The following TRAF4 variants were observed in gnomAD, a reference collection of about 807,000 sequenced individuals.
TRAF4 encodes TNF receptor-associated factor 4.
TRAF4 carries 9 observed loss-of-function variants against 47.3 expected under a neutral mutation model. That is an observed-to-expected ratio of 0.19 (90% confidence interval 0.11 to 0.33). The LOEUF (loss-of-function observed/expected upper bound fraction) is 0.33, where lower values mean the gene tolerates loss of function less well. Ranked by LOEUF, TRAF4 falls within the 10% of genes least tolerant of loss-of-function variation. TRAF4 has a pLI of 1.00. For synonymous variants in TRAF4, 236 were observed against 236.9 expected (o/e 1.00, Z 0.04); for missense variants, 448 against 620.3 (o/e 0.72, Z 2.95).
chr17:28,749,711 C>A lies in TRAF4; in HGVS notation c.*134C>A. The A allele has an allele frequency of 7.0e-7, 1 of 1,431,752 alleles. No individual in the cohort carries two copies. Among genetic ancestry groups the A allele is most frequent in the South Asian group, 1.2e-5 (1 of 81,762 alleles). The allele number at this position is 1,431,752 out of a possible 1,614,324, so 88.7% of individuals were successfully genotyped here. A position where few individuals can be genotyped will look rare whatever the true frequency, so the allele number is the denominator to read the frequency against. ...TTCTGTTACCCCATCCTCCCTCCCC[C>A]AGCCACCACCCTCAGGTGCCTCCAA... On this transcript the variant is annotated 3_prime_UTR_variant, in exon 7 of 7. Transcript: ENST00000262395.
In TRAF4 at chr17:28,750,701, C is replaced by T. The variant is rs758802857; in HGVS notation, c.*1124C>T. The T allele has an allele frequency of 1.3e-5, 2 of 152,202 alleles. No homozygotes were observed. Among genetic ancestry groups the T allele is most frequent in the African/African-American group, 2.4e-5 (1 of 41,450 alleles). 9.4% of individuals were successfully genotyped at this position (152,202 alleles called of 1,614,324 possible). On this transcript the variant is annotated 3_prime_UTR_variant, in exon 7 of 7. Coordinates refer to ENST00000262395, the MANE Select transcript of TRAF4 (RefSeq NM_004295.4). ...CTCAGTGGGTGCATGTGATTATCCA[C>T]GTTTCACCTATGAAACATGAACAGA...
rs377490762 is a variant in TRAF4, at chr17:28,749,228, A to G, written c.1064A>G (p.Asn355Ser). The change falls in exon 7 of 7, where the codon AAT becomes AGT. Residue 355 changes from asparagine to serine, a missense_variant. By Grantham distance (46) the Asn-to-Ser change is conservative. Coordinates refer to ENST00000262395, the MANE Select transcript of TRAF4 (RefSeq NM_004295.4). ...KLQVSAFLNGNGSGEGTHLSL... is the reference protein window; with the variant it reads ...KLQVSAFLNGSGSGEGTHLSL... ...CAGGTGTCTGCATTCCTCAATGGCA[A>G]TGGCAGTGGTGAGGGCACACACCTC... 1 of 1,614,122 alleles carries G rather than the reference A, an allele frequency of 6.2e-7. No homozygotes were observed. The highest frequency in any genetic ancestry group is 8.5e-7 in the Non-Finnish European group (1 of 1,180,050).
Position 28,747,225 on chromosome 17 carries a change from C to A in TRAF4, c.156C>A (p.Phe52Leu). 6.2e-7 allele frequency: 1 copy of A among 1,613,842 alleles called. No individual in the cohort carries two copies. The highest frequency in any genetic ancestry group is 8.5e-7 in the Non-Finnish European group (1 of 1,179,874). Reference sequence around the variant, plus strand: ...TCCCCCATTTCAGTGAAGGAGTCTTCAAGTGCCCTGAGGACCAGCTTCCTC... The same window carrying A: ...TCCCCCATTTCAGTGAAGGAGTCTTAAAGTGCCCTGAGGACCAGCTTCCTC... ...CLQEFLSEGVFKCPEDQLPLD... is the reference protein window; with the variant it reads ...CLQEFLSEGVLKCPEDQLPLD... The change falls in exon 2 of 7, where the codon TTC becomes TTA. Residue 52 changes from phenylalanine (F) to leucine (L), a missense_variant. By Grantham distance (22) the Phe-to-Leu change is conservative (BLOSUM62 0). Transcript: ENST00000262395.
Position 28,748,631 on chromosome 17 carries a change from C to T in TRAF4, c.745C>T (p.Leu249Phe), listed in dbSNP as rs377604096. ...LKDSCNTALV[L>F]CPFKDSGCKH... ...GGACAGCTGTAACACCGCCCTGGTG[C>T]TCTGCCCATTCAAAGACTCCGGCTG... The change falls in exon 6 of 7, where the codon CTC becomes TTC. Residue 249 changes from leucine to phenylalanine, a missense_variant. By Grantham distance (22) the Leu-to-Phe change is conservative (BLOSUM62 0). Coordinates refer to ENST00000262395, the MANE Select transcript of TRAF4 (RefSeq NM_004295.4). 59 of 1,612,606 alleles carry T rather than the reference C, an allele frequency of 3.7e-5. No homozygotes were observed. The highest frequency in any genetic ancestry group is 4.8e-5 in the Non-Finnish European group (57 of 1,179,918).
At chr17:28,744,508 T>C (rs2034478092) in intron 1 of TRAF4, among the ~76,000 whole-genome samples, 1 of 151,586 alleles carries the variant, frequency 6.6e-6, no homozygotes, top group African/African-American at 2.4e-5. Context: ...TCTCGTGGGG[T>C]CAGGAGGGGA....
intron 1 of TRAF4, among the ~76,000 whole-genome samples, chr17:28,745,945 T>C (rs1018045345): frequency 1.3e-5 from 2 of 152,202 alleles, no homozygotes; most frequent in Admixed American, 6.5e-5. Context: ...CCCACCCCTC[T>C]TTCCCCACTC....
In TRAF4 at chr17:28,744,162, T is replaced by G; in HGVS notation, c.50T>G (p.Leu17Arg). Residue 17 changes from leucine to arginine, a missense_variant, in exon 1 of 7, where the codon CTG (leucine) becomes CGG (arginine). Coordinates refer to ENST00000262395, the MANE Select transcript of TRAF4 (RefSeq NM_004295.4). Reference protein sequence around the residue: ...KFLEKPKRRLLCPLCGKPMRE... With the variant: ...KFLEKPKRRLRCPLCGKPMRE... ...CTGGAGAAGCCCAAGCGACGGCTGC[T>G]GTGCCCACTGTGCGGGAAGCCCATG... 1 of 1,595,972 alleles carries G rather than the reference T, an allele frequency of 6.3e-7. No individual in the cohort carries two copies. Among genetic ancestry groups the G allele is most frequent in the East Asian group, 2.2e-5 (1 of 44,594 alleles).
chr17:28,748,485 C>A, intron 5 of TRAF4, 26 bp from the exon 6 acceptor site: 1 of 1,610,568 alleles, frequency 6.2e-7, no homozygotes, highest in African/African-American at 1.3e-5. Context: ...ATATTGACTC[C>A]TGCCTCTCTA....
chr17:28,747,640 C>G, intron 2 of TRAF4: 1 of 599,884 alleles, frequency 1.7e-6, no homozygotes, highest in Non-Finnish European at 2.9e-6. Flanking sequence ...TCAAAGGAAG[C>G]GTCCTGTGCA....
intron 1 of TRAF4, among the ~76,000 whole-genome samples, chr17:28,745,956 C>T (rs1323481910): frequency 6.6e-6 from 1 of 152,258 alleles, no homozygotes; most frequent in African/African-American, 2.4e-5. Flanking sequence ...TTCCCCACTC[C>T]TGCCTGAGCT....
intron 1 of TRAF4, 103 bp downstream of exon 1, chr17:28,744,358 CGA>C: frequency 1.5e-6 from 2 of 1,370,278 alleles, no homozygotes; most frequent in Non-Finnish European, 1.9e-6. Context: ...GTCTGCGCTG[CGA>C]CCCTGTGACC....
chr17:28,745,886 C>T (rs1301696829), intron 1 of TRAF4, among the ~76,000 whole-genome samples: 1 of 152,232 alleles, frequency 6.6e-6, no homozygotes, highest in Non-Finnish European at 1.5e-5. Flanking sequence ...TCCAAAACCA[C>T]TCAGTCAGCA....
Position 28,750,067 on chromosome 17 carries a change from ATTGTATTT to A in TRAF4, c.*491_*498del. 1.7e-6 allele frequency: 1 copy of A among 580,142 alleles called. No individual in the cohort carries two copies. Among genetic ancestry groups the A allele is most frequent in the East Asian group, 2.9e-5 (1 of 34,786 alleles). 35.9% of individuals were successfully genotyped at this position (580,142 alleles called of 1,614,324 possible). ...AGCCCTGATTTTTAATAAATCCGGA[ATTGTATTT>A]ATTAATTTGCTTCCAGCCTGACTTA... On this transcript the variant is annotated 3_prime_UTR_variant, in exon 7 of 7. Transcript: ENST00000262395.
intron 1 of TRAF4, among the ~76,000 whole-genome samples, chr17:28,745,771 A>G (rs1190240850): frequency 1.3e-5 from 2 of 152,132 alleles, no homozygotes; most frequent in African/African-American, 2.4e-5. Flanking sequence ...CTCACCCGCC[A>G]CGGTACAAGC....
In TRAF4 at chr17:28,747,233, C is replaced by T; in HGVS notation, c.164C>T (p.Pro55Leu). The T allele has an allele frequency of 6.2e-7, 1 of 1,613,854 alleles. No individual in the cohort carries two copies. The highest frequency in any genetic ancestry group is 8.5e-7 in the Non-Finnish European group (1 of 1,179,870). Residue 55 changes from proline (P) to leucine (L), a missense_variant, in exon 2 of 7, where the codon CCT becomes CTT. Pro to Leu is a moderately conservative substitution (Grantham distance 98). Transcript: ENST00000262395. ...EFLSEGVFKC[P>L]EDQLPLDYAK... ...TTCAGTGAAGGAGTCTTCAAGTGCC[C>T]TGAGGACCAGCTTCCTCTGGACTAT...
chr17:28,748,790 C>T (rs2034555839), intron 6 of TRAF4, 124 bp downstream of exon 6: 3 of 1,495,098 alleles, frequency 2.0e-6, no homozygotes, highest in Admixed American at 2.1e-5. Flanking sequence ...CAGTCCTTCC[C>T]TCTGCTGCCA....
chr17:28,746,855 A>G, intron 1 of TRAF4: 1 of 201,174 alleles, frequency 5.0e-6, no homozygotes, highest in Non-Finnish European at 1.0e-5. Flanking sequence ...GTCAGCTTTC[A>G]GCGCAGCCAA....
Position 28,749,438 on chromosome 17 carries a change from G to A in TRAF4, c.1274G>A (p.Gly425Asp). The A allele has an allele frequency of 6.2e-7, 1 of 1,613,950 alleles. No individual in the cohort carries two copies. Among genetic ancestry groups the A allele is most frequent in the Non-Finnish European group, 8.5e-7 (1 of 1,180,022 alleles). ...KNFQKPGTWRGSLDESSLGFG... is the reference protein window; with the variant it reads ...KNFQKPGTWRDSLDESSLGFG... ...TTCCAGAAGCCAGGCACGTGGCGGGGCTCCCTGGATGAGAGTTCTCTGGGC... is the reference window on the plus strand; with the variant it reads ...TTCCAGAAGCCAGGCACGTGGCGGGACTCCCTGGATGAGAGTTCTCTGGGC... The change falls in exon 7 of 7, where the codon GGC becomes GAC. Residue 425 changes from glycine (G) to aspartate (D), a missense_variant. Physicochemically the swap from Gly to Asp is moderately conservative, Grantham distance 94. Coordinates refer to ENST00000262395, the MANE Select transcript of TRAF4 (RefSeq NM_004295.4).
At chr17:28,746,319 C>T (rs990026026) in intron 1 of TRAF4, among the ~76,000 whole-genome samples, 2 of 152,218 alleles carry the variant, frequency 1.3e-5, no homozygotes, top group African/African-American at 4.8e-5. Flanking sequence ...TGGCTGGGGT[C>T]AGCAAGGGCA....
Sources: gnomAD v4.1 joint callset for allele counts (sites outside exome capture counted in the v4.1 genomes callset) on GRCh38, gnomAD v4.1.1 for gene constraint, MANE v1.5 for transcripts, NCBI Gene and HGNC (gene_info 2026-07-23, HGNC 2026-07-21) for gene names.